The following PRKCE variants were observed in gnomAD, a reference collection of about 807,000 sequenced individuals.
PRKCE encodes protein kinase C epsilon, also known as protein kinase C epsilon type.
A neutral mutation model predicts 85.4 loss-of-function variants in PRKCE; 16 were observed. That is an observed-to-expected ratio of 0.19 (90% CI 0.13 to 0.28). The LOEUF is 0.28. Ranked by LOEUF, PRKCE falls within the 10% of genes least tolerant of loss-of-function variation. PRKCE has a pLI of 1.00. For synonymous variants in PRKCE, 388 were observed against 371.5 expected (o/e 1.04, Z -0.51); for missense variants, 573 against 975.2 (o/e 0.59, Z 5.49).
intron 2 of PRKCE, among the ~76,000 whole-genome samples, chr2:45,941,333 C>G (rs1699864761): frequency 6.6e-6 from 1 of 152,082 alleles, no homozygotes; most frequent in Non-Finnish European, 1.5e-5. Flanking sequence ...TCTGCATGTT[C>G]AACAAATATT....
chr2:45,710,352 C>A (rs1679520073), intron 1 of PRKCE, among the ~76,000 whole-genome samples: 2 of 152,232 alleles, frequency 1.3e-5, no homozygotes, highest in African/African-American at 2.4e-5. Context: ...AGTCCATACC[C>A]TTGCCCACTG....
intron 2 of PRKCE, among the ~76,000 whole-genome samples, chr2:45,894,322 A>C (rs1695967477): frequency 6.6e-6 from 1 of 151,858 alleles, no homozygotes; most frequent in Non-Finnish European, 1.5e-5. Context: ...TACTTTGAGC[A>C]ATGAACACCT....
At chr2:45,990,797 G>A (rs1280611162) in intron 6 of PRKCE, among the ~76,000 whole-genome samples, 2 of 151,630 alleles carry the variant, frequency 1.3e-5, no homozygotes, top group African/African-American at 4.8e-5. Flanking sequence ...GAGTAGCTGG[G>A]ACTATAGGTG....
intron 11 of PRKCE, among the ~76,000 whole-genome samples, chr2:46,129,557 A>T (rs982309411): frequency 2.0e-4 from 31 of 152,240 alleles, no homozygotes; most frequent in Non-Finnish European, 1.3e-4. Flanking sequence ...ATTTGAATAC[A>T]TGAGTGTATG....
At chr2:46,026,205 G>T (rs540627855) in intron 10 of PRKCE, among the ~76,000 whole-genome samples, 8 of 152,284 alleles carry the variant, frequency 5.3e-5, no homozygotes, top group Admixed American at 4.6e-4. Context: ...AGTAAAAAGC[G>T]CAGTCTAAGC....
At chr2:45,730,486 G>A (rs1007870052) in intron 1 of PRKCE, among the ~76,000 whole-genome samples, 19 of 144,416 alleles carry the variant, frequency 1.3e-4, no homozygotes, top group Admixed American at 1.0e-3. Context: ...CCGAGACAGA[G>A]TCTCACCCTG....
In PRKCE at chr2:46,145,378, G is replaced by A; in HGVS notation, c.1731+147G>A. 6 of 1,158,546 alleles carry A rather than the reference G, an allele frequency of 5.2e-6. No homozygotes were observed. The highest frequency in any genetic ancestry group is 3.0e-5 in the South Asian group (2 of 65,632). 71.8% of individuals were successfully genotyped at this position (1,158,546 alleles called of 1,614,324 possible). The stretch of plus-strand genomic sequence containing the variant: ...CTAGGAAGGAGGGAGAAAAGGAAAG[G>A]AAAAAAGTTTGCTGATTGATGTCTG... On this transcript the variant is annotated intron_variant, in intron 12 of 14. Coordinates refer to ENST00000306156, the MANE Select transcript of PRKCE (RefSeq NM_005400.3). This position sits in a 1 kb window ranked among gnomAD's most constrained non-coding sequence, Gnocchi z 4.6.
chr2:46,128,590 G>A (rs1257432472), intron 11 of PRKCE, among the ~76,000 whole-genome samples: 3 of 152,186 alleles, frequency 2.0e-5, no homozygotes, highest in Non-Finnish European at 2.9e-5. Context: ...TCAATCTCAG[G>A]CATCTCTGTC....
chr2:46,163,071 G>A (rs533614792), intron 14 of PRKCE, among the ~76,000 whole-genome samples: 1 of 152,344 alleles, frequency 6.6e-6, no homozygotes, highest in South Asian at 2.1e-4. Context: ...ATACGCCATC[G>A]CGCCCCTGTA....
At chr2:45,837,323 C>T (rs1690963092) in intron 1 of PRKCE, among the ~76,000 whole-genome samples, 1 of 152,218 alleles carries the variant, frequency 6.6e-6, no homozygotes, top group East Asian at 1.9e-4. Context: ...GTGGTGCGAT[C>T]TTGCCTCACT....
chr2:46,055,150 C>T (rs1198419668), intron 10 of PRKCE, among the ~76,000 whole-genome samples: 2 of 152,254 alleles, frequency 1.3e-5, no homozygotes, highest in Non-Finnish European at 2.9e-5. Context: ...GCTGTTCATA[C>T]TTAAATCACC....
At chr2:45,787,136 G>A (rs939466941) in intron 1 of PRKCE, among the ~76,000 whole-genome samples, 4 of 152,218 alleles carry the variant, frequency 2.6e-5, no homozygotes, top group Non-Finnish European at 5.9e-5. Context: ...CCCCAAGCTG[G>A]GAGGAGCGTG....
intron 1 of PRKCE, among the ~76,000 whole-genome samples, chr2:45,780,309 A>T (rs899255550): frequency 6.6e-6 from 1 of 151,660 alleles, no homozygotes; most frequent in East Asian, 1.9e-4. Context: ...TGTTTTTGCC[A>T]TTTCTTTTTT....
chr2:46,174,844 C>T (rs527389637), intron 14 of PRKCE, among the ~76,000 whole-genome samples: 1 of 151,998 alleles, frequency 6.6e-6, no homozygotes, highest in Admixed American at 6.6e-5. Flanking sequence ...CACGTGCCAC[C>T]GTGTCTGGCT....
chr2:46,105,368 A>C (rs1671617690), intron 11 of PRKCE, among the ~76,000 whole-genome samples: 1 of 152,138 alleles, frequency 6.6e-6, no homozygotes, highest in Non-Finnish European at 1.5e-5. Flanking sequence ...CAAAATTAAA[A>C]GGTATTTCAC....
chr2:46,010,061 C>T (rs148236236), intron 9 of PRKCE, among the ~76,000 whole-genome samples: 38 of 152,236 alleles, frequency 2.5e-4, no homozygotes, highest in Non-Finnish European at 4.1e-4. Flanking sequence ...AACTGTAGAA[C>T]GGTAGTAATT....
At chr2:45,889,805 A>G (rs1695580126) in intron 2 of PRKCE, among the ~76,000 whole-genome samples, 1 of 152,216 alleles carries the variant, frequency 6.6e-6, no homozygotes, top group Non-Finnish European at 1.5e-5. Context: ...TACCAGCTTC[A>G]TATGTACACA....
chr2:45,904,952 G>A (rs976717409), intron 2 of PRKCE, among the ~76,000 whole-genome samples: 1 of 152,192 alleles, frequency 6.6e-6, no homozygotes, highest in African/African-American at 2.4e-5. Flanking sequence ...TGAGGTCCCG[G>A]GCGTGGACCA....
intron 1 of PRKCE, among the ~76,000 whole-genome samples, chr2:45,659,598 C>T (rs1384190007): frequency 6.6e-6 from 1 of 152,168 alleles, no homozygotes; most frequent in Non-Finnish European, 1.5e-5. Context: ...ACTTGCCACT[C>T]TTCTCCCTGT....
Sources: gnomAD v4.1 joint callset for allele counts (sites outside exome capture counted in the v4.1 genomes callset) on GRCh38, gnomAD v4.1.1 for gene constraint, Gnocchi (gnomAD v3.1) non-coding constraint, MANE v1.5 for transcripts, NCBI Gene and HGNC (gene_info 2026-07-23, HGNC 2026-07-21) for gene names.